Variants in PEBP4 observed in about 807,000 individuals in gnomAD.
The protein encoded by PEBP4 is phosphatidylethanolamine binding protein 4.
PEBP4 carries 22 observed loss-of-function variants against 23.9 expected under a neutral mutation model. The observed-to-expected ratio is 0.92, with a 90% CI of 0.66 to 1.31. PEBP4 has a LOEUF of 1.31. Ranked by LOEUF, PEBP4 falls within the 40% of genes most tolerant of loss-of-function variation. The pLI, the probability that PEBP4 is intolerant of heterozygous loss-of-function variation, is 0.00. For synonymous variants in PEBP4, 112 were observed against 99.3 expected (o/e 1.13, Z -0.76); for missense variants, 324 against 281.7 (o/e 1.15, Z -1.07).
chr8:22,762,781 AT>A (rs1412315096), intron 4 of PEBP4, among the ~76,000 whole-genome samples: 1 of 152,094 alleles, frequency 6.6e-6, no homozygotes, highest in Non-Finnish European at 1.5e-5. Context: ...GGCATCAGAG[AT>A]TTCCTTTGCT....
chr8:22,826,337 T>C (rs1806968093), intron 3 of PEBP4, among the ~76,000 whole-genome samples: 1 of 152,194 alleles, frequency 6.6e-6, no homozygotes, highest in Admixed American at 6.5e-5. Context: ...CTGCATGCAT[T>C]GTTGTAGGAA....
intron 3 of PEBP4, among the ~76,000 whole-genome samples, chr8:22,826,043 G>T (rs531718224): frequency 6.6e-6 from 1 of 152,266 alleles, no homozygotes; most frequent in South Asian, 2.1e-4. Flanking sequence ...GTGGTGGGGG[G>T]ACATGGGGAG....
intron 4 of PEBP4, among the ~76,000 whole-genome samples, chr8:22,771,273 G>A (rs1180010360): frequency 6.6e-6 from 1 of 152,240 alleles, no homozygotes; most frequent in Non-Finnish European, 1.5e-5. Flanking sequence ...TGGATCACTT[G>A]AAGTCAAGAG....
intron 3 of PEBP4, among the ~76,000 whole-genome samples, chr8:22,883,472 C>A (rs1170101864): frequency 6.6e-6 from 1 of 152,056 alleles, no homozygotes; most frequent in Non-Finnish European, 1.5e-5. Context: ...CAACCTCCCA[C>A]CCCCACATCC....
At chr8:22,874,073 G>A (rs1808068158) in intron 3 of PEBP4, among the ~76,000 whole-genome samples, 1 of 152,156 alleles carries the variant, frequency 6.6e-6, no homozygotes, top group Admixed American at 6.5e-5. Flanking sequence ...CTGTGTGTGT[G>A]TGGAGCCCAT....
chr8:22,865,276 C>T lies in PEBP4; in HGVS notation c.259-47541G>A, dbSNP rs1007423908. ...GCGAAAATGACAAAACAACTCCTTG[C>T]TCAGGGCAGCCCGGGAAGAGCGGCG... On this transcript the variant is annotated intron_variant, in intron 3 of 6. Transcript: ENST00000256404. This position sits in a 1 kb window ranked among gnomAD's most constrained non-coding sequence, Gnocchi z 6.9. Among the ~76,000 whole-genome samples the T allele has an allele frequency of 2.0e-5, 3 of 152,118 alleles. No individual in the cohort carries two copies. The highest frequency in any genetic ancestry group is 4.4e-5 in the Non-Finnish European group (3 of 68,002).
chr8:22,927,833 G>A lies in PEBP4; in HGVS notation c.-17C>T, dbSNP rs1215921533. 25 of 1,346,530 alleles carry A rather than the reference G, an allele frequency of 1.9e-5. No individual in the cohort carries two copies. Among genetic ancestry groups the A allele is most frequent in the Non-Finnish European group, 2.2e-5 (22 of 983,952 alleles). The allele number at this position is 1,346,530 out of a possible 1,614,324, so 83.4% of individuals were successfully genotyped here. On this transcript the variant is annotated 5_prime_UTR_variant, in exon 1 of 7. Transcript: ENST00000256404. Reference sequence around the variant, plus strand: ...TGGCAGGATAGAGACCTCTGGTTAAGCACAGGGAGAAGGACAGGCAGCTTC... The same window carrying A: ...TGGCAGGATAGAGACCTCTGGTTAAACACAGGGAGAAGGACAGGCAGCTTC...
At chr8:22,826,138 A>G (rs1294899426) in intron 3 of PEBP4, among the ~76,000 whole-genome samples, 1 of 152,202 alleles carries the variant, frequency 6.6e-6, no homozygotes, top group Non-Finnish European at 1.5e-5. Flanking sequence ...AGTTAACAAT[A>G]TCATATTGTA....
intron 4 of PEBP4, among the ~76,000 whole-genome samples, chr8:22,760,005 G>A (rs1459879704): frequency 3.5e-4 from 53 of 152,146 alleles, no homozygotes; most frequent in Admixed American, 3.5e-3. Context: ...CACCTCCTCT[G>A]GGAAGCCTTC....
chr8:22,898,839 G>C (rs1475366798), intron 3 of PEBP4, among the ~76,000 whole-genome samples: 2 of 152,196 alleles, frequency 1.3e-5, no homozygotes, highest in African/African-American at 2.4e-5. Context: ...GGAGGGGCTG[G>C]GTCCTGAGGA....
intron 4 of PEBP4, among the ~76,000 whole-genome samples, chr8:22,759,013 G>A (rs534573828): frequency 6.6e-6 from 1 of 152,038 alleles, no homozygotes; most frequent in East Asian, 1.9e-4. Flanking sequence ...GGGGGCGAGG[G>A]TGGGAGGAGG....
intron 4 of PEBP4, among the ~76,000 whole-genome samples, chr8:22,780,074 A>C (rs1186194517): frequency 2.0e-5 from 3 of 151,860 alleles, no homozygotes; most frequent in Non-Finnish European, 4.4e-5. Context: ...TCAGCCCCTG[A>C]AGTAGCTGGG....
intron 3 of PEBP4, among the ~76,000 whole-genome samples, chr8:22,904,727 TA>T (rs1328425106): frequency 6.6e-6 from 1 of 152,360 alleles, no homozygotes; most frequent in East Asian, 1.9e-4. Context: ...GAACTATTGT[TA>T]AATGGCTATT....
chr8:22,835,558 G>A (rs558538591), intron 3 of PEBP4, among the ~76,000 whole-genome samples: 1 of 152,328 alleles, frequency 6.6e-6, no homozygotes, highest in East Asian at 1.9e-4. Context: ...ACCTGGGAAT[G>A]GGACTGTTAC....
rs192284337 is a variant in PEBP4, at chr8:22,714,447, G to A, written c.518-911C>T. On this transcript the variant is annotated intron_variant, in intron 6 of 6. Coordinates refer to ENST00000256404, the MANE Select transcript of PEBP4 (RefSeq NM_144962.3). ...TAGCAAATCGCTTGTTGGTGTGAGC[G>A]TGTCCCACATTCTGCATGGAGCATC... Among the ~76,000 whole-genome samples the A allele has an allele frequency of 9.9e-5, 15 of 151,818 alleles. No homozygotes were observed. In the East Asian group the frequency reaches 2.5e-3, roughly 25 times the overall value.
At chr8:22,827,701 G>C (rs1477269415) in intron 3 of PEBP4, among the ~76,000 whole-genome samples, 1 of 152,244 alleles carries the variant, frequency 6.6e-6, no homozygotes, top group African/African-American at 2.4e-5. Context: ...AACATTTGCT[G>C]TAAGTCTCTG....
intron 4 of PEBP4, among the ~76,000 whole-genome samples, chr8:22,735,850 C>A (rs1263990031): frequency 6.6e-6 from 1 of 152,244 alleles, no homozygotes; most frequent in African/African-American, 2.4e-5. Context: ...CTCCCTTTTA[C>A]AAACAGTAAT....
intron 6 of PEBP4, among the ~76,000 whole-genome samples, chr8:22,719,090 G>A (rs1804470508): frequency 6.6e-6 from 1 of 152,142 alleles, no homozygotes; most frequent in East Asian, 1.9e-4. Context: ...GACCCCTGTG[G>A]GTGGGTGGTT....
intron 3 of PEBP4, among the ~76,000 whole-genome samples, chr8:22,849,353 T>G (rs1474931784): frequency 6.6e-6 from 1 of 152,224 alleles, no homozygotes; most frequent in Non-Finnish European, 1.5e-5. Context: ...ACCTGGTTCT[T>G]GCCTTCAATG....
Sources: allele counts gnomAD v4.1 joint callset (sites outside exome capture counted in the v4.1 genomes callset), GRCh38; gene constraint gnomAD v4.1.1; non-coding constraint Gnocchi (gnomAD v3.1); transcripts MANE v1.5; gene names NCBI Gene and HGNC (gene_info 2026-07-23, HGNC 2026-07-21).